Variants in JPH2 observed in about 807,000 individuals in gnomAD.
JPH2 encodes junctophilin-2.
JPH2 carries 38 observed loss-of-function variants against 55.9 expected under a neutral mutation model. The observed-to-expected ratio is 0.68, with a 90% confidence interval of 0.52 to 0.89. The LOEUF (loss-of-function observed/expected upper bound fraction) is 0.89, where lower values mean the gene tolerates loss of function less well. JPH2 is among the 40% of genes least tolerant of loss of function. The pLI, the probability that JPH2 is intolerant of heterozygous loss-of-function variation, is 0.00. For synonymous variants in JPH2, 480 were observed against 472.4 expected (o/e 1.02, Z -0.21); for missense variants, 964 against 1,037.6 (o/e 0.93, Z 0.97).
Position 44,160,463 on chromosome 20 carries a change from A to C in JPH2, c.380-56T>G. On this transcript the variant is annotated intron_variant, in intron 1 of 5. Transcript: ENST00000372980. The surrounding 1 kb of genome is among the most constrained non-coding windows in gnomAD (Gnocchi z 4.9). ...CGGCACGACGGGTCCCCGCGTGTGC[A>C]CGGTGGCCTGGGAGGGCAAGGGCGG... 6.4e-7 allele frequency: 1 copy of C among 1,572,890 alleles called. No individual in the cohort carries two copies. Among genetic ancestry groups the C allele is most frequent in the Non-Finnish European group, 8.6e-7 (1 of 1,157,836 alleles).
At position 44,159,080 on chromosome 20, in the gene JPH2, T is replaced by C. The variant is rs1305588923; in HGVS notation, c.1169+538A>G. 6.6e-6 allele frequency among the ~76,000 whole-genome samples: 1 copy of C among 152,112 alleles called. No individual in the cohort carries two copies. The highest frequency in any genetic ancestry group is 1.5e-5 in the Non-Finnish European group (1 of 68,026). ...AATTGGGTAGGTTGCATGGAATAGA[T>C]AAGTAAATCTTTGAGTGAATGGGTG... On this transcript the variant is annotated intron_variant, in intron 2 of 5. Coordinates refer to ENST00000372980, the MANE Select transcript of JPH2 (RefSeq NM_020433.5). This position sits in a 1 kb window ranked among gnomAD's most constrained non-coding sequence, Gnocchi z 5.7.
Position 44,108,026 on chromosome 20 carries a change from T to C in JPH2, c.*5492A>G, listed in dbSNP as rs1186186393. On this transcript the variant is annotated 3_prime_UTR_variant, in exon 6 of 6. Coordinates refer to ENST00000372980, the MANE Select transcript of JPH2 (RefSeq NM_020433.5). Reference sequence around the variant, plus strand: ...GTTAAAAGATTGGGGCTTTGGGCTATGTGATGTCAGCCTGACCTTTGGGTG... The same window carrying C: ...GTTAAAAGATTGGGGCTTTGGGCTACGTGATGTCAGCCTGACCTTTGGGTG... Among the ~76,000 whole-genome samples the C allele has an allele frequency of 1.3e-5, 2 of 152,172 alleles. No individual in the cohort carries two copies. The highest frequency in any genetic ancestry group is 2.9e-5 in the Non-Finnish European group (2 of 68,036).
rs770986432 is a variant in JPH2 at position 44,115,879 on chromosome 20, G to A, written c.1796C>T (p.Pro599Leu). 13 of 1,581,984 alleles carry A rather than the reference G, an allele frequency of 8.2e-6. No homozygotes were observed. The highest frequency in any genetic ancestry group is 5.6e-5 in the South Asian group (5 of 89,482). ...GGGGGCCTGCAGCGGGGCGGTGGCCGGGGACGAGGGCGCGGACTCGGACCC... is the reference window on the plus strand; with the variant it reads ...GGGGGCCTGCAGCGGGGCGGTGGCCAGGGACGAGGGCGCGGACTCGGACCC... ...VSGSESAPSS[P>L]ATAPLQAPTL... Residue 599 changes from proline (P) to leucine (L), a missense_variant, in exon 4 of 6, where the codon CCG (proline) becomes CTG (leucine). Pro to Leu is a moderately conservative substitution (Grantham distance 98). Coordinates refer to ENST00000372980, the MANE Select transcript of JPH2 (RefSeq NM_020433.5).
At chr20:44,150,102 A>T (rs1418341217) in intron 2 of JPH2, among the ~76,000 whole-genome samples, 1 of 152,094 alleles carries the variant, frequency 6.6e-6, no homozygotes, top group Non-Finnish European at 1.5e-5. Context: ...ATCTGAATCC[A>T]TTTGAGACAG....
Position 44,159,838 on chromosome 20 carries a change from C to T in JPH2, c.949G>A (p.Glu317Lys), listed in dbSNP as rs1054295023. The T allele has an allele frequency of 3.1e-6, 5 of 1,613,478 alleles. No individual in the cohort carries two copies. The South Asian group carries it at 3.3e-5, about 11-fold the overall frequency. ...ERSSGLRYEG[E>K]WLDNLRHGYG... ...CCGTGGCGCAGGTTGTCCAGCCACT[C>T]GCCCTCGTAGCGGAGGCCACTGGAG... Residue 317 changes from glutamate (E) to lysine (K), a missense_variant, in exon 2 of 6, where the codon GAG becomes AAG. Transcript: ENST00000372980. This position sits in a 1 kb window ranked among gnomAD's most constrained non-coding sequence, Gnocchi z 5.7.
chr20:44,176,348 G>A (rs6124629), intron 1 of JPH2, among the ~76,000 whole-genome samples: 68,993 of 139,064 alleles, frequency 0.5, 17,536 homozygotes, highest in African/African-American at 0.64. Context: ...TTTAGAGATA[G>A]GGTCTCACTG....
intron 2 of JPH2, among the ~76,000 whole-genome samples, chr20:44,157,665 G>T (rs939756866): frequency 2.0e-5 from 3 of 152,184 alleles, no homozygotes; most frequent in Non-Finnish European, 4.4e-5. Context: ...AATGGATCTG[G>T]CCAAGGACAT....
rs745981862 is a variant in JPH2, at chr20:44,108,951, C to T, written c.*4567G>A. Among the ~76,000 whole-genome samples the T allele has an allele frequency of 9.9e-5, 15 of 152,190 alleles. No individual in the cohort carries two copies. Among genetic ancestry groups the T allele is most frequent in the Admixed American group, 3.9e-4 (6 of 15,272 alleles). ...TCTCTGACAACCTAAGGAGTTATTTCCTCAAGCTTCTTCAGAGAAGAAGGA... is the reference window on the plus strand; with the variant it reads ...TCTCTGACAACCTAAGGAGTTATTTTCTCAAGCTTCTTCAGAGAAGAAGGA... On this transcript the variant is annotated 3_prime_UTR_variant, in exon 6 of 6. Transcript: ENST00000372980.
intron 2 of JPH2, among the ~76,000 whole-genome samples, chr20:44,155,553 T>A (rs899184729): frequency 6.6e-6 from 1 of 152,130 alleles, no homozygotes; most frequent in Non-Finnish European, 1.5e-5. Context: ...CCCTCTTGAG[T>A]GTGGGCTGCA....
chr20:44,115,212 C>T (rs903704770), intron 4 of JPH2, among the ~76,000 whole-genome samples: 4 of 152,116 alleles, frequency 2.6e-5, no homozygotes, highest in Non-Finnish European at 4.4e-5. Context: ...TCTTTGTTGC[C>T]GCCGTTCCTA....
intron 1 of JPH2, among the ~76,000 whole-genome samples, chr20:44,170,008 C>T (rs1465211290): frequency 6.6e-6 from 1 of 152,164 alleles, no homozygotes; most frequent in Non-Finnish European, 1.5e-5. Flanking sequence ...CTAGGAAATA[C>T]ATTTTGTTTC....
chr20:44,110,584 T>C lies in JPH2; in HGVS notation c.*2934A>G, dbSNP rs536883247. 1.4e-4 allele frequency among the ~76,000 whole-genome samples: 21 copies of C among 152,114 alleles called. No homozygotes were observed. In the East Asian group the frequency reaches 3.7e-3, roughly 27 times the overall value. On this transcript the variant is annotated 3_prime_UTR_variant, in exon 6 of 6. Coordinates refer to ENST00000372980, the MANE Select transcript of JPH2 (RefSeq NM_020433.5). Reference sequence around the variant, plus strand: ...GGTTTACAGGTACGCGCCACCACACTTGGCTAATTTTTGTATTTTCTTTTT... The same window carrying C: ...GGTTTACAGGTACGCGCCACCACACCTGGCTAATTTTTGTATTTTCTTTTT...
At chr20:44,115,177 T>G (rs570192633) in intron 4 of JPH2, among the ~76,000 whole-genome samples, 1 of 152,262 alleles carries the variant, frequency 6.6e-6, no homozygotes, top group East Asian at 1.9e-4. Context: ...GACGCATTCT[T>G]CAGTCCCCCA....
intron 1 of JPH2, among the ~76,000 whole-genome samples, chr20:44,175,670 C>T (rs1230000600): frequency 2.6e-5 from 4 of 152,210 alleles, no homozygotes; most frequent in African/African-American, 9.7e-5. Context: ...ACCCCTACAT[C>T]CAGAGGCTGC....
At position 44,127,166 on chromosome 20, in the gene JPH2, T is replaced by A. The variant is rs529505023; in HGVS notation, c.1170-8543A>T. On this transcript the variant is annotated intron_variant, in intron 2 of 5. Coordinates refer to ENST00000372980, the MANE Select transcript of JPH2 (RefSeq NM_020433.5). ...ATTCCTTTTTATTGCTAACTAATAT[T>A]CCATTGTGTGGATAAACCATATTTT... 9.1e-4 allele frequency among the ~76,000 whole-genome samples: 139 copies of A among 152,344 alleles called. 1 individual carries two copies. Among genetic ancestry groups the A allele is most frequent in the African/African-American group, 3.2e-3 (132 of 41,576 alleles).
chr20:44,143,361 G>A (rs1293313207), intron 2 of JPH2, among the ~76,000 whole-genome samples: 2 of 152,142 alleles, frequency 1.3e-5, no homozygotes, highest in Non-Finnish European at 2.9e-5. Context: ...TCCATGTAAG[G>A]TCAGACTCAC....
intron 1 of JPH2, among the ~76,000 whole-genome samples, chr20:44,161,492 T>A (rs929054974): frequency 1.9e-4 from 29 of 152,184 alleles, no homozygotes; most frequent in Admixed American, 1.6e-3. Flanking sequence ...ATCCTGCCTC[T>A]GCCCTTACTA....
At chr20:44,181,754 C>A (rs905561282) in intron 1 of JPH2, among the ~76,000 whole-genome samples, 2 of 152,184 alleles carry the variant, frequency 1.3e-5, no homozygotes, top group Admixed American at 6.5e-5. Context: ...TATGTCGGGG[C>A]TTGGCTTGCA....
At chr20:44,162,415 A>G (rs2072617526) in intron 1 of JPH2, among the ~76,000 whole-genome samples, 2 of 152,030 alleles carry the variant, frequency 1.3e-5, no homozygotes, top group Non-Finnish European at 2.9e-5. Context: ...CAAAGTATCG[A>G]TCCTGGGTGT....
Sources: allele counts gnomAD v4.1 joint callset (sites outside exome capture counted in the v4.1 genomes callset), GRCh38; gene constraint gnomAD v4.1.1; non-coding constraint Gnocchi (gnomAD v3.1); transcripts MANE v1.5; gene names NCBI Gene and HGNC (gene_info 2026-07-23, HGNC 2026-07-21).